Variants in SNTB1 observed in about 807,000 individuals in gnomAD.
The protein encoded by SNTB1 is beta-1-syntrophin.
SNTB1 carries 36 observed loss-of-function variants against 48.9 expected under a neutral mutation model. The ratio of observed to expected loss-of-function variants is 0.74; its 90% CI spans 0.56 to 0.97. SNTB1 has a LOEUF of 0.97. Ranked by LOEUF, SNTB1 falls within the 50% of genes least tolerant of loss-of-function variation. The pLI, the probability that SNTB1 is intolerant of heterozygous loss-of-function variation, is 0.00. For synonymous variants in SNTB1, 299 were observed against 294.6 expected (o/e 1.01, Z -0.15); for missense variants, 786 against 703.4 (o/e 1.12, Z -1.33).
intron 2 of SNTB1, among the ~76,000 whole-genome samples, chr8:120,674,431 A>G (rs1395914287): frequency 1.3e-5 from 2 of 152,236 alleles, no homozygotes; most frequent in African/African-American, 4.8e-5. Context: ...AGGAAGACAG[A>G]TGTTACTAAA....
intron 2 of SNTB1, chr8:120,635,769 T>C: frequency 4.7e-6 from 1 of 213,600 alleles, no homozygotes; most frequent in Non-Finnish European, 1.0e-5. Flanking sequence ...AGTCTTTTGT[T>C]GAGTAGATTT....
At chr8:120,729,831 C>T (rs1485523362) in intron 1 of SNTB1, among the ~76,000 whole-genome samples, 1 of 152,226 alleles carries the variant, frequency 6.6e-6, no homozygotes, top group African/African-American at 2.4e-5. Flanking sequence ...AAAAGGGACA[C>T]TCAGTTTGTT....
intron 1 of SNTB1, among the ~76,000 whole-genome samples, chr8:120,781,887 C>T (rs1819835209): frequency 6.6e-6 from 1 of 152,192 alleles, no homozygotes; most frequent in Admixed American, 6.5e-5. Flanking sequence ...GAGACCATAT[C>T]ATTCTGTGTG....
At chr8:120,760,659 C>A in intron 1 of SNTB1, among the ~76,000 whole-genome samples, 1 of 151,958 alleles carries the variant, frequency 6.6e-6, no homozygotes, top group East Asian at 1.9e-4. Context: ...GAAAAGTAAC[C>A]ATTTTTAAAT....
At chr8:120,746,671 T>C (rs1222618402) in intron 1 of SNTB1, among the ~76,000 whole-genome samples, 1 of 152,244 alleles carries the variant, frequency 6.6e-6, no homozygotes. Flanking sequence ...TAAGATTAAC[T>C]GTGCCGTTTA....
chr8:120,733,134 T>G (rs1255427609), intron 1 of SNTB1, among the ~76,000 whole-genome samples: 1 of 152,188 alleles, frequency 6.6e-6, no homozygotes, highest in African/African-American at 2.4e-5. Flanking sequence ...AAGTATGAGG[T>G]AGACAAATAG....
chr8:120,807,363 G>T (rs532805137), intron 1 of SNTB1, among the ~76,000 whole-genome samples: 1 of 152,356 alleles, frequency 6.6e-6, no homozygotes, highest in East Asian at 1.9e-4. Flanking sequence ...GGGTGCGATT[G>T]ACACTATGGT....
At chr8:120,752,188 A>G (rs1450963014) in intron 1 of SNTB1, among the ~76,000 whole-genome samples, 1 of 152,162 alleles carries the variant, frequency 6.6e-6, no homozygotes, top group African/African-American at 2.4e-5. Context: ...TGAAAATCCA[A>G]TTGGATCTCA....
intron 1 of SNTB1, among the ~76,000 whole-genome samples, chr8:120,701,470 A>C (rs981574806): frequency 6.6e-6 from 1 of 152,214 alleles, no homozygotes; most frequent in Admixed American, 6.5e-5. Context: ...CATTAAAAAA[A>C]GAATGTGTTT....
intron 1 of SNTB1, among the ~76,000 whole-genome samples, chr8:120,764,948 G>A (rs1449524762): frequency 6.6e-6 from 1 of 152,108 alleles, no homozygotes; most frequent in Non-Finnish European, 1.5e-5. Flanking sequence ...ACTCACAGCT[G>A]GGGGCAGTGG....
At chr8:120,766,603 CAATTATATATTGGCAATACCAA>C in intron 1 of SNTB1, among the ~76,000 whole-genome samples, 2 of 152,152 alleles carry the variant, frequency 1.3e-5, no homozygotes, top group Middle Eastern at 6.8e-3. Flanking sequence ...AATCATATGC[CAATTATATATTGGCAATACCAA>C]ATTGAATAAG....
At chr8:120,726,721 C>T (rs1818761431) in intron 1 of SNTB1, among the ~76,000 whole-genome samples, 1 of 152,140 alleles carries the variant, frequency 6.6e-6, no homozygotes, top group Admixed American at 6.5e-5. Context: ...TATTAGAGAT[C>T]TACAATGTAG....
At chr8:120,661,724 A>G (rs745959060) in intron 2 of SNTB1, among the ~76,000 whole-genome samples, 9 of 151,946 alleles carry the variant, frequency 5.9e-5, no homozygotes, top group Non-Finnish European at 1.2e-4. Context: ...TTCAACTCCC[A>G]CTTATGAGTG....
chr8:120,649,816 G>A (rs1817379338), intron 2 of SNTB1, among the ~76,000 whole-genome samples: 1 of 152,090 alleles, frequency 6.6e-6, no homozygotes, highest in African/African-American at 2.4e-5. Context: ...AGCAATCAGC[G>A]AGACTCCGTG....
chr8:120,729,846 G>A (rs1001373657), intron 1 of SNTB1, among the ~76,000 whole-genome samples: 1 of 152,242 alleles, frequency 6.6e-6, no homozygotes, highest in Non-Finnish European at 1.5e-5. Flanking sequence ...TTTGTTAGAT[G>A]CAGTCTTTCC....
At chr8:120,616,445 G>T (rs908377103) in intron 3 of SNTB1, among the ~76,000 whole-genome samples, 7 of 151,256 alleles carry the variant, frequency 4.6e-5, no homozygotes, top group Non-Finnish European at 8.8e-5. Flanking sequence ...GAACTACAGG[G>T]GCACACCACA....
intron 2 of SNTB1, among the ~76,000 whole-genome samples, chr8:120,641,481 A>G (rs1563839266): frequency 1.3e-5 from 2 of 152,346 alleles, no homozygotes; most frequent in East Asian, 1.9e-4. Context: ...TGATGCCAGC[A>G]AAAATGAAAG....
intron 1 of SNTB1, among the ~76,000 whole-genome samples, chr8:120,703,708 C>T (rs1818340607): frequency 6.6e-6 from 1 of 152,190 alleles, no homozygotes; most frequent in African/African-American, 2.4e-5. Context: ...TATACAAATA[C>T]ACCAGTCTGG....
chr8:120,704,455 C>CAA lies in SNTB1; in HGVS notation c.572-10549_572-10548dup, dbSNP rs111743651. On this transcript the variant is annotated intron_variant, in intron 1 of 6. Coordinates refer to ENST00000517992, the MANE Select transcript of SNTB1 (RefSeq NM_021021.4). ...TGTGCAAAAGAACGAGACTTTGTGT[C>CAA]AAAAAAAAAAGAGAAAAAACAAAAA... 7.6e-3 allele frequency among the ~76,000 whole-genome samples: 1,115 copies of CAA among 146,606 alleles called. 10 individuals carry two copies. Among genetic ancestry groups the CAA allele is most frequent in the South Asian group, 0.047 (221 of 4,674 alleles).
Sources: allele counts gnomAD v4.1 joint callset (sites outside exome capture counted in the v4.1 genomes callset), GRCh38; gene constraint gnomAD v4.1.1; transcripts MANE v1.5; gene names NCBI Gene and HGNC (gene_info 2026-07-23, HGNC 2026-07-21).